The following CREB5 variants were observed in gnomAD, a reference collection of about 807,000 sequenced individuals.
CREB5 encodes cAMP responsive element binding protein 5.
In CREB5, 19 loss-of-function variants were observed where a neutral mutation model predicts 57.1. The ratio of observed to expected loss-of-function variants is 0.33; its 90% CI spans 0.23 to 0.49. The LOEUF is 0.49. CREB5 is among the 20% of genes least tolerant of loss of function. CREB5 has a pLI of 0.99. For synonymous variants in CREB5, 238 were observed against 238.3 expected (o/e 1.00, Z 0.01); for missense variants, 579 against 671.6 (o/e 0.86, Z 1.52).
intron 7 of CREB5, among the ~76,000 whole-genome samples, chr7:28,727,241 G>A (rs1803378736): frequency 6.6e-6 from 1 of 152,076 alleles, no homozygotes; most frequent in Non-Finnish European, 1.5e-5. Flanking sequence ...TAAGTCAACA[G>A]ACATGGCTTC....
chr7:28,622,786 C>T (rs547637362), intron 5 of CREB5, among the ~76,000 whole-genome samples: 21 of 152,042 alleles, frequency 1.4e-4, no homozygotes, highest in Non-Finnish European at 2.5e-4. Flanking sequence ...TTTGGGAGGC[C>T]GAGGCAAAAG....
At chr7:28,303,676 T>C (rs1212899570) in intron 1 of CREB5, among the ~76,000 whole-genome samples, 1 of 152,216 alleles carries the variant, frequency 6.6e-6, no homozygotes, top group African/African-American at 2.4e-5. Context: ...GATATAAATA[T>C]CTAGTTTTGC....
chr7:28,514,117 G>A (rs79769586), intron 4 of CREB5, among the ~76,000 whole-genome samples: 2,661 of 152,212 alleles, frequency 0.017, 50 homozygotes, highest in African/African-American at 0.057. Context: ...TTGCATATTC[G>A]GGTTATTTGG....
At chr7:28,410,917 C>T, upstream of CREB5, 1 of 275,500 alleles carries the variant, frequency 3.6e-6, no homozygotes, top group South Asian at 3.8e-5. Context: ...GCCCTCTCTT[C>T]CCAGCCCCTC....
At chr7:28,333,269 G>A (rs913385137) in intron 1 of CREB5, among the ~76,000 whole-genome samples, 3 of 151,748 alleles carry the variant, frequency 2.0e-5, no homozygotes, top group African/African-American at 7.3e-5. Context: ...AATTTTTGTG[G>A]TTACATAGTA....
intron 1 of CREB5, among the ~76,000 whole-genome samples, chr7:28,363,676 C>T (rs994511186): frequency 4.6e-5 from 7 of 151,960 alleles, no homozygotes; most frequent in African/African-American, 9.7e-5. Flanking sequence ...CAGTACAGTG[C>T]CCCACATAGA....
intron 5 of CREB5, among the ~76,000 whole-genome samples, chr7:28,657,130 C>A (rs940404878): frequency 6.6e-6 from 1 of 152,182 alleles, no homozygotes; most frequent in Admixed American, 6.5e-5. Flanking sequence ...GCACCAACCC[C>A]ATTACCCTCA....
chr7:28,715,712 TG>T (rs2128745074), intron 5 of CREB5, among the ~76,000 whole-genome samples: 1 of 152,322 alleles, frequency 6.6e-6, no homozygotes, highest in East Asian at 1.9e-4. Context: ...GAGAAAATTC[TG>T]CTGGTTTGGT....
chr7:28,664,663 C>T (rs1261791394), intron 5 of CREB5, among the ~76,000 whole-genome samples: 1 of 152,086 alleles, frequency 6.6e-6, no homozygotes, highest in Non-Finnish European at 1.5e-5. Context: ...AAGTATGCCA[C>T]AGGAGACTAT....
At chr7:28,804,942 C>G (rs1180312961) in intron 8 of CREB5, among the ~76,000 whole-genome samples, 1 of 152,162 alleles carries the variant, frequency 6.6e-6, no homozygotes, top group Admixed American at 6.5e-5. Context: ...ATCATAGAGA[C>G]TCAATTTTGT....
At chr7:28,667,940 A>G (rs147108378) in intron 5 of CREB5, among the ~76,000 whole-genome samples, 1 of 152,350 alleles carries the variant, frequency 6.6e-6, no homozygotes, top group African/African-American at 2.4e-5. Flanking sequence ...TATTTACATT[A>G]TGTGAGACAA....
At chr7:28,611,661 G>T (rs901516899) in intron 5 of CREB5, among the ~76,000 whole-genome samples, 7 of 146,950 alleles carry the variant, frequency 4.8e-5, no homozygotes, top group Non-Finnish European at 1.0e-4. Flanking sequence ...GTGCGACAGA[G>T]ACTCTGTCTC....
intron 1 of CREB5, among the ~76,000 whole-genome samples, chr7:28,432,487 G>T (rs1788762778): frequency 6.6e-6 from 1 of 152,178 alleles, no homozygotes; most frequent in East Asian, 1.9e-4. Flanking sequence ...AAAATTAGTG[G>T]TCTTGGTAAC....
At chr7:28,417,371 C>A (rs1554316660) in intron 1 of CREB5, among the ~76,000 whole-genome samples, 1 of 139,536 alleles carries the variant, frequency 7.2e-6, no homozygotes, top group South Asian at 2.3e-4. Context: ...TTTTTTGGTA[C>A]TAAATCTTTG....
intron 5 of CREB5, among the ~76,000 whole-genome samples, chr7:28,643,741 G>T (rs1798772650): frequency 8.3e-6 from 1 of 121,110 alleles, no homozygotes; most frequent in South Asian, 2.8e-4. Flanking sequence ...TAGTTCACGG[G>T]TTTGGGAGGT....
At chr7:28,416,333 A>G (rs986434904) in intron 1 of CREB5, among the ~76,000 whole-genome samples, 8 of 152,206 alleles carry the variant, frequency 5.3e-5, no homozygotes, top group African/African-American at 1.7e-4. Flanking sequence ...GGAAAAATAC[A>G]TGCAACAACA....
rs188620004 is a variant in CREB5, at chr7:28,364,189, C to A, written c.-25+64748C>A. Among the ~76,000 whole-genome samples the A allele has an allele frequency of 5.7e-4, 87 of 152,216 alleles. 1 individual carries two copies. Among genetic ancestry groups the A allele is most frequent in the South Asian group, 1.2e-3 (6 of 4,820 alleles). ...TCAATTGGGTGTTAAAAACTTTTTG[C>A]CGGAAATCTTCAGAAGCTTGGGCAG... On this transcript the variant is annotated intron_variant, in intron 1 of 9. Transcript: ENST00000396299.
At chr7:28,677,807 G>A (rs1391737118) in intron 5 of CREB5, among the ~76,000 whole-genome samples, 3 of 152,128 alleles carry the variant, frequency 2.0e-5, no homozygotes, top group Non-Finnish European at 1.5e-5. Context: ...GAGCTCAGGA[G>A]TTTGAGGCTA....
At position 28,475,106 on chromosome 7, in the gene CREB5, G is replaced by A. The variant is rs144900533; in HGVS notation, c.4-13069G>A. Among the ~76,000 whole-genome samples the A allele has an allele frequency of 2.6e-3, 395 of 152,122 alleles. 1 individual carries two copies. Among genetic ancestry groups the A allele is most frequent in the African/African-American group, 9.2e-3 (381 of 41,486 alleles). ...TTGGATTATTCATCTTTAACTCCCC[G>A]GTGCCCCAAGTTAGGAAATGTTGCT... On this transcript the variant is annotated intron_variant, in intron 1 of 10. Coordinates refer to ENST00000357727, the MANE Select transcript of CREB5 (RefSeq NM_182898.4).
Sources: gnomAD v4.1 joint callset for allele counts (sites outside exome capture counted in the v4.1 genomes callset) on GRCh38, gnomAD v4.1.1 for gene constraint, MANE v1.5 for transcripts, NCBI Gene and HGNC (gene_info 2026-07-23, HGNC 2026-07-21) for gene names.